The following LRP1B variants were observed in gnomAD, a reference collection of about 807,000 sequenced individuals.
LRP1B encodes LDL receptor related protein 1B.
In LRP1B, 217 loss-of-function variants were observed where a neutral mutation model predicts 556.6. The observed-to-expected ratio is 0.39, with a 90% CI of 0.35 to 0.44. The LOEUF is 0.44. Ranked by LOEUF, LRP1B falls within the 20% of genes least tolerant of loss-of-function variation. The pLI, the probability that LRP1B is intolerant of heterozygous loss-of-function variation, is 1.00. For missense variants in LRP1B, 5,053 were observed against 5,620.8 expected, an observed-to-expected ratio of 0.90 and a Z score of 3.23; for synonymous variants, 2,047 against 1,865.8, an observed-to-expected ratio of 1.10 and a Z score of -2.50.
At chr2:141,624,760 A>G in intron 2 of LRP1B, among the ~76,000 whole-genome samples, 1 of 151,896 alleles carries the variant, frequency 6.6e-6, no homozygotes, top group East Asian at 1.9e-4. Flanking sequence ...TTATTTATGT[A>G]TTTATTTATT....
rs535521297 is a variant in LRP1B, at chr2:140,279,549, C to G, written c.12968-4951G>C. 3.6e-4 allele frequency among the ~76,000 whole-genome samples: 54 copies of G among 152,034 alleles called. 1 individual carries two copies. The highest frequency in any genetic ancestry group is 1.3e-3 in the African/African-American group (52 of 41,546). ...TGCCATATTTTCATCAGTGTCACCT[C>G]TCTATATACTCTCACATAATTACTA... On this transcript the variant is annotated intron_variant, in intron 84 of 90. Coordinates refer to ENST00000389484, the MANE Select transcript of LRP1B (RefSeq NM_018557.3).
At chr2:141,400,347 A>G (rs1463910225) in intron 3 of LRP1B, among the ~76,000 whole-genome samples, 1 of 152,222 alleles carries the variant, frequency 6.6e-6, no homozygotes, top group African/African-American at 2.4e-5. Context: ...TTAAATAACA[A>G]GAAAAGAAAG....
chr2:141,510,909 C>CACACACACACACA (rs70994436), intron 2 of LRP1B, among the ~76,000 whole-genome samples: 210 of 139,022 alleles, frequency 1.5e-3, no homozygotes, highest in Non-Finnish European at 2.3e-3. Context: ...CACACACACA[C>CACACACACACACA]CCCACACAAA....
chr2:141,783,866 G>A (rs1695340069), intron 2 of LRP1B, among the ~76,000 whole-genome samples: 1 of 151,698 alleles, frequency 6.6e-6, no homozygotes, highest in Non-Finnish European at 1.5e-5. Context: ...ATTGATTAAA[G>A]ATTTGTAAAT....
chr2:140,785,676 T>C (rs1301992046), intron 32 of LRP1B, among the ~76,000 whole-genome samples: 6 of 152,150 alleles, frequency 3.9e-5, no homozygotes, highest in East Asian at 3.8e-4. Context: ...CAAATCTCAA[T>C]GTTATCCCTA....
intron 3 of LRP1B, among the ~76,000 whole-genome samples, chr2:141,306,001 T>C (rs1686572558): frequency 6.6e-6 from 1 of 152,174 alleles, no homozygotes; most frequent in African/African-American, 2.4e-5. Context: ...TAGTATTTAG[T>C]AGAGGAATTT....
chr2:141,006,822 G>A (rs1162991088), intron 14 of LRP1B, among the ~76,000 whole-genome samples: 1 of 151,822 alleles, frequency 6.6e-6, no homozygotes, highest in African/African-American at 2.4e-5. Flanking sequence ...AATGATAATA[G>A]CATTTCTGTA....
At chr2:141,256,115 A>C (rs1684453256) in intron 3 of LRP1B, among the ~76,000 whole-genome samples, 2 of 152,038 alleles carry the variant, frequency 1.3e-5, no homozygotes, top group Non-Finnish European at 2.9e-5. Flanking sequence ...TGCTAAATAA[A>C]AGTACAAGTG....
chr2:141,217,666 C>T (rs1682869887), intron 6 of LRP1B, among the ~76,000 whole-genome samples: 1 of 152,136 alleles, frequency 6.6e-6, no homozygotes, highest in Admixed American at 6.5e-5. Context: ...CTTTTCTGAA[C>T]ATTGACCTAT....
At chr2:141,314,548 C>G (rs947734084) in intron 3 of LRP1B, among the ~76,000 whole-genome samples, 2 of 151,532 alleles carry the variant, frequency 1.3e-5, no homozygotes, top group African/African-American at 4.8e-5. Context: ...TCCCAGCACT[C>G]TGGGAGGTGG....
intron 3 of LRP1B, among the ~76,000 whole-genome samples, chr2:141,394,143 C>T (rs968984806): frequency 6.6e-6 from 1 of 152,104 alleles, no homozygotes; most frequent in Non-Finnish European, 1.5e-5. Context: ...GTAAATTCCA[C>T]ACGTTGCTCA....
At chr2:141,336,990 T>C (rs1438497315) in intron 3 of LRP1B, among the ~76,000 whole-genome samples, 1 of 152,218 alleles carries the variant, frequency 6.6e-6, no homozygotes, top group Non-Finnish European at 1.5e-5. Context: ...TGAGTACAGT[T>C]ACTGTAAACA....
chr2:140,290,551 C>T (rs1394209643), intron 84 of LRP1B, among the ~76,000 whole-genome samples: 1 of 152,062 alleles, frequency 6.6e-6, no homozygotes, highest in Non-Finnish European at 1.5e-5. Flanking sequence ...CTTATGGGTA[C>T]TTTCACTTTC....
intron 23 of LRP1B, among the ~76,000 whole-genome samples, chr2:140,892,051 C>T (rs1330617200): frequency 1.3e-5 from 2 of 151,998 alleles, no homozygotes; most frequent in Admixed American, 6.6e-5. Flanking sequence ...ACAACAAAAC[C>T]TGCATTTCTA....
intron 89 of LRP1B, among the ~76,000 whole-genome samples, chr2:140,235,811 AAAT>A (rs947732477): frequency 6.0e-5 from 9 of 150,440 alleles, no homozygotes; most frequent in East Asian, 2.0e-4. Flanking sequence ...GATGAGGAAA[AAAT>A]AACCCTCCTT....
intron 1 of LRP1B, among the ~76,000 whole-genome samples, chr2:141,887,336 G>T (rs1699158629): frequency 6.6e-6 from 1 of 152,080 alleles, no homozygotes; most frequent in South Asian, 2.1e-4. Context: ...TTATATCTCT[G>T]GTTGGAATGA....
rs1255085481 is a variant in LRP1B at position 140,231,908 on chromosome 2, T to A, written c.*1278A>T. The A allele has an allele frequency of 1.3e-5, 2 of 151,790 alleles. No individual in the cohort carries two copies. The highest frequency in any genetic ancestry group is 4.8e-5 in the African/African-American group (2 of 41,356). The allele number at this position is 151,790 out of a possible 1,614,324, so 9.4% of individuals were successfully genotyped here. On this transcript the variant is annotated 3_prime_UTR_variant, in exon 91 of 91. Transcript: ENST00000389484. ...AGATATTTGTATAAAAATGCTATCC[T>A]TTTATTTTTATATACAACTTAAATA...
At chr2:141,456,542 A>G (rs1166636572) in intron 3 of LRP1B, among the ~76,000 whole-genome samples, 1 of 152,206 alleles carries the variant, frequency 6.6e-6, no homozygotes, top group Non-Finnish European at 1.5e-5. Context: ...CCTCACACCT[A>G]TTACATGGGC....
intron 3 of LRP1B, among the ~76,000 whole-genome samples, chr2:141,461,323 ATGGT>A (rs1681861708): frequency 1.3e-5 from 2 of 152,192 alleles, no homozygotes; most frequent in Non-Finnish European, 2.9e-5. Flanking sequence ...AAATTGACCA[ATGGT>A]TATACCAATA....
Sources: gnomAD v4.1 joint callset for allele counts (sites outside exome capture counted in the v4.1 genomes callset) on GRCh38, gnomAD v4.1.1 for gene constraint, MANE v1.5 for transcripts, NCBI Gene and HGNC (gene_info 2026-07-23, HGNC 2026-07-21) for gene names.